The following ARID1B variants were observed in gnomAD, a reference collection of about 807,000 sequenced individuals.
The protein encoded by ARID1B is AT-rich interactive domain-containing protein 1B.
In ARID1B, 30 loss-of-function variants were observed where a neutral mutation model predicts 212.3. The observed-to-expected ratio is 0.14, with a 90% CI of 0.11 to 0.19. ARID1B has a LOEUF of 0.19. Among genes scored for constraint, ARID1B ranks in the 10% least tolerant of loss-of-function variants. The pLI is 1.00. For synonymous variants in ARID1B, 1,402 were observed against 1,301.7 expected (o/e 1.08, Z -1.66); for missense variants, 2,891 against 3,204.0 (o/e 0.90, Z 2.36).
intron 13 of ARID1B, among the ~76,000 whole-genome samples, chr6:157,187,249 G>A (rs757703563): frequency 2.6e-5 from 4 of 152,194 alleles, no homozygotes; most frequent in African/African-American, 7.2e-5. Flanking sequence ...GAGAAGTGGG[G>A]CAGGGGTGGG....
chr6:156,813,003 CAT>C (rs1214044762), intron 1 of ARID1B, among the ~76,000 whole-genome samples: 1 of 119,432 alleles, frequency 8.4e-6, no homozygotes, highest in East Asian at 2.4e-4. Context: ...TATGTATATA[CAT>C]ATATATACAC....
intron 3 of ARID1B, among the ~76,000 whole-genome samples, chr6:156,905,299 T>A (rs1042870026): frequency 7.1e-6 from 1 of 140,620 alleles, no homozygotes; most frequent in Non-Finnish European, 1.6e-5. Context: ...TTATAAGGAA[T>A]TGGCTCATAT....
intron 4 of ARID1B, among the ~76,000 whole-genome samples, chr6:157,044,073 G>T (rs1425775122): frequency 6.6e-6 from 1 of 152,176 alleles, no homozygotes; most frequent in Non-Finnish European, 1.5e-5. Context: ...TTATGTCAGA[G>T]AAAAATCCAA....
intron 4 of ARID1B, among the ~76,000 whole-genome samples, chr6:157,084,141 C>T (rs999804735): frequency 4.0e-5 from 6 of 148,832 alleles, no homozygotes; most frequent in African/African-American, 1.5e-4. Context: ...TCACCTCCCC[C>T]CCAAAAAAAA....
At chr6:157,177,262 G>A (rs1276923485) in intron 11 of ARID1B, among the ~76,000 whole-genome samples, 2 of 152,198 alleles carry the variant, frequency 1.3e-5, no homozygotes, top group Non-Finnish European at 2.9e-5. Flanking sequence ...ATTGCTCTGT[G>A]TTGAGAAAAC....
intron 4 of ARID1B, among the ~76,000 whole-genome samples, chr6:156,945,115 T>G (rs1342471742): frequency 6.7e-6 from 1 of 149,606 alleles, no homozygotes; most frequent in African/African-American, 2.4e-5. Flanking sequence ...TTTTTTTTTT[T>G]TAGTAGAGAC....
chr6:157,084,971 G>A (rs2128463951), intron 5 of ARID1B, 66 bp downstream of exon 5: 2 of 1,526,538 alleles, frequency 1.3e-6, no homozygotes, highest in South Asian at 1.3e-5. Context: ...TTCATCAACA[G>A]TAACTCACAT....
chr6:156,915,262 G>A (rs1328028835), intron 3 of ARID1B, among the ~76,000 whole-genome samples: 1 of 152,062 alleles, frequency 6.6e-6, no homozygotes, highest in Non-Finnish European at 1.5e-5. Flanking sequence ...AGAATTGCTG[G>A]GCAAAAGAAC....
chr6:156,979,331 T>C (rs904096029), intron 4 of ARID1B, among the ~76,000 whole-genome samples: 5 of 152,198 alleles, frequency 3.3e-5, no homozygotes, highest in African/African-American at 1.2e-4. Context: ...ATTCAGAATA[T>C]GGTGTTAGGT....
intron 6 of ARID1B, among the ~76,000 whole-genome samples, chr6:157,121,311 A>G (rs1433260885): frequency 6.6e-6 from 1 of 152,172 alleles, no homozygotes; most frequent in Non-Finnish European, 1.5e-5. Context: ...ATGGAGCTTC[A>G]TCACTGTTTC....
chr6:157,020,160 T>C (rs563819836), intron 4 of ARID1B, among the ~76,000 whole-genome samples: 1 of 152,328 alleles, frequency 6.6e-6, no homozygotes, highest in African/African-American at 2.4e-5. Context: ...GTTCAGGAAA[T>C]GTTTTATTTA....
rs1554235817 is a variant in ARID1B at position 157,201,104 on chromosome 6, C to G, written c.4879C>G (p.Gln1627Glu). 1 of 1,614,220 alleles carries G rather than the reference C, an allele frequency of 6.2e-7. No homozygotes were observed. The highest frequency in any genetic ancestry group is 1.1e-5 in the South Asian group (1 of 91,088). ...CACAGACGATATGATGGTACCCGAT[C>G]AGAGGATAAATCATGAGAGCCAGTG... is the stretch of plus-strand genomic sequence containing the variant. ...NRTDDMMVPD[Q>E]RINHESQWPS... The change falls in exon 18 of 20, where the codon CAG becomes GAG. Residue 1627 changes from glutamine to glutamate, a missense_variant. Transcript: ENST00000636930. This position sits in a 1 kb window ranked among gnomAD's most constrained non-coding sequence, Gnocchi z 5.2.
intron 2 of ARID1B, among the ~76,000 whole-genome samples, chr6:156,885,180 ATGTCACTGGATTTTGGAGGGTTC>A (rs1365590810): frequency 2.0e-5 from 3 of 152,178 alleles, no homozygotes; most frequent in African/African-American, 7.2e-5. Flanking sequence ...TTATCCTTAT[ATGTCACTGGATTTTGGAGGGTTC>A]TGTCTTAAGA....
At chr6:157,010,211 A>C (rs1223725571) in intron 4 of ARID1B, among the ~76,000 whole-genome samples, 1 of 145,450 alleles carries the variant, frequency 6.9e-6, no homozygotes, top group East Asian at 2.0e-4. Context: ...GGGCCGAGCT[A>C]TTATTTACTC....
In ARID1B at chr6:157,174,852, C is replaced by G. The variant is rs751465997; in HGVS notation, c.3351C>G (p.Ser1117Arg). The change falls in exon 11 of 20, where the codon AGC becomes AGG. Residue 1117 changes from serine to arginine, a missense_variant. Ser to Arg is a moderately radical substitution (Grantham distance 110). Transcript: ENST00000636930. The stretch of plus-strand genomic sequence containing the variant: ...TTTTTATTCCTCTACCACAGGATAG[C>G]TACAGCTCTCAGGGTATTTCTCAGC... ...TPQPESKSKD[S>R]YSSQGISQPP... 6.5e-7 allele frequency: 1 copy of G among 1,538,972 alleles called. No individual in the cohort carries two copies. The highest frequency in any genetic ancestry group is 1.9e-5 in the Admixed American group (1 of 52,232).
chr6:157,066,945 G>A (rs1489732602), intron 4 of ARID1B, among the ~76,000 whole-genome samples: 2 of 152,116 alleles, frequency 1.3e-5, no homozygotes, highest in Non-Finnish European at 2.9e-5. Context: ...TTAGAACACT[G>A]AAAATGGGCT....
intron 6 of ARID1B, among the ~76,000 whole-genome samples, chr6:157,120,132 C>CGT (rs1161872366): frequency 1.3e-5 from 2 of 152,196 alleles, no homozygotes; most frequent in Admixed American, 1.3e-4. Flanking sequence ...GGCATAGCGA[C>CGT]GTACGTACTT....
intron 1 of ARID1B, among the ~76,000 whole-genome samples, chr6:156,823,688 G>T (rs199886414): frequency 6.7e-4 from 79 of 117,962 alleles, no homozygotes; most frequent in South Asian, 1.1e-3. Context: ...TTTCTTTGTT[G>T]TTTTTTTTTT....
chr6:157,173,987 C>T (rs1174528671), intron 9 of ARID1B, 21 bp from the exon 10 acceptor site: 1 of 1,598,872 alleles, frequency 6.3e-7, no homozygotes, highest in Non-Finnish European at 8.6e-7. Context: ...ATCCTAAACT[C>T]TTTCTCCTGT....
Sources: gnomAD v4.1 joint callset for allele counts (sites outside exome capture counted in the v4.1 genomes callset) on GRCh38, gnomAD v4.1.1 for gene constraint, Gnocchi (gnomAD v3.1) non-coding constraint, MANE v1.5 for transcripts, NCBI Gene and HGNC (gene_info 2026-07-23, HGNC 2026-07-21) for gene names.